Variants in GRIP1 observed in about 807,000 individuals in gnomAD.
The protein encoded by GRIP1 is glutamate receptor interacting protein 1.
Under a neutral mutation model 129.9 loss-of-function variants are expected in GRIP1, and 45 were observed. The ratio of observed to expected loss-of-function variants is 0.35; its 90% CI spans 0.27 to 0.44. The LOEUF (loss-of-function observed/expected upper bound fraction) is 0.44, where lower values mean the gene tolerates loss of function less well. Among genes scored for constraint, GRIP1 ranks in the 20% least tolerant of loss-of-function variants. GRIP1 has a pLI of 1.00. For missense variants in GRIP1, 1,196 were observed against 1,396.8 expected (o/e 0.86, Z 2.29); for synonymous variants, 530 against 520.8 (o/e 1.02, Z -0.24).
intron 19 of GRIP1, among the ~76,000 whole-genome samples, chr12:66,391,936 C>T (rs376617349): frequency 6.6e-6 from 1 of 152,112 alleles, no homozygotes; most frequent in African/African-American, 2.4e-5. Context: ...CTTCCAAACT[C>T]CCCAATCCAT....
At chr12:67,026,570 A>G (rs2042944605) in intron 1 of GRIP1, among the ~76,000 whole-genome samples, 1 of 152,202 alleles carries the variant, frequency 6.6e-6, no homozygotes, top group African/African-American at 2.4e-5. Flanking sequence ...CATTATTTCT[A>G]TTGAAGCTGG....
At chr12:66,543,743 C>T (rs1368938539) in intron 2 of GRIP1, among the ~76,000 whole-genome samples, 2 of 151,990 alleles carry the variant, frequency 1.3e-5, no homozygotes, top group Non-Finnish European at 2.9e-5. Flanking sequence ...ATATAATGTG[C>T]CCAACAATTT....
intron 7 of GRIP1, among the ~76,000 whole-genome samples, chr12:66,505,884 T>C (rs964810491): frequency 1.3e-5 from 2 of 151,966 alleles, no homozygotes; most frequent in Non-Finnish European, 2.9e-5. Flanking sequence ...AGAAAGAAAA[T>C]GGATCAGAAC....
intron 1 of GRIP1, among the ~76,000 whole-genome samples, chr12:66,846,672 T>C (rs1333832521): frequency 6.6e-6 from 1 of 152,206 alleles, no homozygotes; most frequent in East Asian, 1.9e-4. Context: ...TCCAATAGTA[T>C]ACATTAAACA....
Position 66,816,814 on chromosome 12 carries a change from G to GA in GRIP1, c.59-219888dup, listed in dbSNP as rs926330557. 5.7e-4 allele frequency among the ~76,000 whole-genome samples: 87 copies of GA among 151,850 alleles called. 1 individual carries two copies. The highest frequency in any genetic ancestry group is 2.0e-3 in the African/African-American group (83 of 41,408). On this transcript the variant is annotated intron_variant, in intron 1 of 1. Coordinates refer to the GRIP1 transcript ENST00000643019. ...TCTTACAGAATCTTAAAGTCATTTT[G>GA]AAAAAAACAAAACTAGATCCTCAGT...
chr12:67,047,329 G>A (rs543614303), intron 1 of GRIP1, among the ~76,000 whole-genome samples: 1 of 152,092 alleles, frequency 6.6e-6, no homozygotes, highest in East Asian at 1.9e-4. Context: ...TTGAGACACA[G>A]CAAAAAATAA....
intron 1 of GRIP1, among the ~76,000 whole-genome samples, chr12:66,598,159 A>G (rs2139770575): frequency 6.6e-6 from 1 of 152,294 alleles, no homozygotes; most frequent in East Asian, 1.9e-4. Flanking sequence ...GAGAATATTA[A>G]TTCTCCCAAC....
At chr12:66,416,015 G>A (rs1464611842) in intron 15 of GRIP1, among the ~76,000 whole-genome samples, 1 of 151,868 alleles carries the variant, frequency 6.6e-6, no homozygotes. Flanking sequence ...GCAAACCATG[G>A]CACACATTTA....
At chr12:66,560,969 G>C (rs1043520715) in intron 2 of GRIP1, among the ~76,000 whole-genome samples, 2 of 152,168 alleles carry the variant, frequency 1.3e-5, no homozygotes, top group African/African-American at 4.8e-5. Flanking sequence ...TAAAGAAAAT[G>C]TGGTACATAC....
chr12:67,006,586 CA>C (rs1049963748), intron 1 of GRIP1, among the ~76,000 whole-genome samples: 3 of 151,734 alleles, frequency 2.0e-5, no homozygotes, highest in African/African-American at 7.3e-5. Flanking sequence ...GATCTTGTCT[CA>C]AAAAAATAAA....
At position 67,068,380 on chromosome 12, in the gene GRIP1, A is replaced by G. The variant is rs528855768; in HGVS notation, c.58+670T>C. 1.1e-4 allele frequency among the ~76,000 whole-genome samples: 17 copies of G among 152,314 alleles called. No individual in the cohort carries two copies. The South Asian group carries it at 1.7e-3, about 15-fold the overall frequency. ...TAAGAAAAGCCCGCAGTCCTGCGGT[A>G]TTAAACTGACAGCGGGGACTGCGCT... On this transcript the variant is annotated intron_variant, in intron 1 of 1. Transcript: ENST00000643019.
intron 2 of GRIP1, among the ~76,000 whole-genome samples, chr12:66,586,746 GTTCT>G (rs1348741751): frequency 1.3e-5 from 2 of 151,948 alleles, no homozygotes; most frequent in Non-Finnish European, 2.9e-5. Flanking sequence ...GGTTATTTAG[GTTCT>G]TTCTTCAAAA....
Position 66,348,715 on chromosome 12 carries a change from A to AGAT in GRIP1, c.*301_*303dup. 1 of 364,546 alleles carries AGAT rather than the reference A, an allele frequency of 2.7e-6. No individual in the cohort carries two copies. Among genetic ancestry groups the AGAT allele is most frequent in the East Asian group, 5.0e-5 (1 of 20,028 alleles). The allele number at this position is 364,546 out of a possible 1,614,324, so 22.6% of individuals were successfully genotyped here. On this transcript the variant is annotated 3_prime_UTR_variant, in exon 25 of 25. Transcript: ENST00000359742. Reference sequence around the variant, plus strand: ...TTTCTCTTTTTAAAAAGTGATAGTAAGATGAACTTGTAAAAAATTTCCTCT... The same window carrying AGAT: ...TTTCTCTTTTTAAAAAGTGATAGTAAGATGATGAACTTGTAAAAAATTTCCTCT...
chr12:66,668,801 T>C (rs981012768), intron 1 of GRIP1, among the ~76,000 whole-genome samples: 6 of 151,418 alleles, frequency 4.0e-5, no homozygotes, highest in Non-Finnish European at 8.8e-5. Flanking sequence ...AATACCAGCA[T>C]GGTGGGGTCC....
chr12:66,817,421 C>G (rs1278738664), intron 1 of GRIP1, among the ~76,000 whole-genome samples: 1 of 151,872 alleles, frequency 6.6e-6, no homozygotes, highest in Non-Finnish European at 1.5e-5. Flanking sequence ...GTATTTTTTA[C>G]TTTTTGGGAT....
intron 7 of GRIP1, among the ~76,000 whole-genome samples, chr12:66,488,264 A>ATTT (rs1338855148): frequency 9.9e-5 from 15 of 152,260 alleles, no homozygotes; most frequent in African/African-American, 3.6e-4. Context: ...AATAACTGAA[A>ATTT]TCATAACAGT....
chr12:66,959,219 T>G (rs900609358), intron 1 of GRIP1, among the ~76,000 whole-genome samples: 10 of 152,192 alleles, frequency 6.6e-5, no homozygotes, highest in African/African-American at 2.4e-4. Context: ...CCTAATTTTT[T>G]AATGGACTAT....
At chr12:66,961,351 G>C (rs970642762) in intron 1 of GRIP1, among the ~76,000 whole-genome samples, 3 of 151,624 alleles carry the variant, frequency 2.0e-5, no homozygotes, top group South Asian at 2.1e-4. Context: ...AATTTGGGTA[G>C]GAAAAAAAAG....
chr12:66,351,683 G>A (rs2054232193), intron 24 of GRIP1, among the ~76,000 whole-genome samples: 1 of 151,232 alleles, frequency 6.6e-6, no homozygotes, highest in African/African-American at 2.4e-5. Flanking sequence ...AGCAAAAGCT[G>A]CTGTTCGATA....
Sources: allele counts gnomAD v4.1 joint callset (sites outside exome capture counted in the v4.1 genomes callset), GRCh38; gene constraint gnomAD v4.1.1; transcripts MANE v1.5; gene names NCBI Gene and HGNC (gene_info 2026-07-23, HGNC 2026-07-21).